The following PRKAR2A variants were observed in gnomAD, a reference collection of about 807,000 sequenced individuals.
The protein encoded by PRKAR2A is protein kinase cAMP-dependent type II regulatory subunit alpha, also known as cAMP-dependent protein kinase type II-alpha regulatory subunit.
Under a neutral mutation model 51.9 loss-of-function variants are expected in PRKAR2A, and 29 were observed. The observed-to-expected ratio is 0.56, with a 90% CI of 0.42 to 0.76. The LOEUF (loss-of-function observed/expected upper bound fraction) is 0.76, where lower values mean the gene tolerates loss of function less well. Ranked by LOEUF, PRKAR2A falls within the 30% of genes least tolerant of loss-of-function variation. The probability of loss-of-function intolerance (pLI) is 0.00; values close to 1 mark genes in which losing one functional copy is unlikely to be tolerated. For missense variants in PRKAR2A, 445 were observed against 512.1 expected (o/e 0.87, Z 1.26); for synonymous variants, 178 against 186.2 (o/e 0.96, Z 0.36).
rs1575871937 is a variant in PRKAR2A at position 48,783,034 on chromosome 3, T to A, written c.494A>T (p.His165Leu). The A allele has an allele frequency of 3.7e-6, 6 of 1,614,026 alleles. No homozygotes were observed. The South Asian group carries it at 6.6e-5, about 18-fold the overall frequency. ...TCCATCATCTCCTTGGTCAATGACA[T>A]GCTCATCAGCTTTGACTATCCTTTC... Reference protein sequence around the residue: ...MFERIVKADEHVIDQGDDGDN... With the variant: ...MFERIVKADELVIDQGDDGDN... The change falls in exon 5 of 11, where the codon CAT (histidine) becomes CTT (leucine). Residue 165 changes from histidine to leucine, a missense_variant. Physicochemically the swap from His to Leu is moderately conservative, Grantham distance 99. Transcript: ENST00000265563.
intron 4 of PRKAR2A, among the ~76,000 whole-genome samples, chr3:48,784,837 T>C (rs965912734): frequency 6.6e-6 from 1 of 152,176 alleles, no homozygotes; most frequent in Non-Finnish European, 1.5e-5. Context: ...AAGGTTTCAT[T>C]ATAGGTTGTT....
intron 5 of PRKAR2A, among the ~76,000 whole-genome samples, chr3:48,775,504 T>TA (rs768287836): frequency 1.8e-3 from 220 of 124,772 alleles, no homozygotes; most frequent in Admixed American, 2.8e-3. Context: ...CAATAATGGC[T>TA]AAAAAAAAAA....
intron 1 of PRKAR2A, among the ~76,000 whole-genome samples, chr3:48,824,379 A>T (rs1235455755): frequency 6.6e-6 from 1 of 151,782 alleles, no homozygotes; most frequent in African/African-American, 2.4e-5. Context: ...TGGGTAACAG[A>T]GCGAGACTCT....
Position 48,847,827 on chromosome 3 carries a change from G to C in PRKAR2A, c.-231C>G. ...ACTGGGCAGCCGCCGCCGCCGCGGGGACCGACGGGCAGGCGAGCTGGACGG... is the reference window on the plus strand; with the variant it reads ...ACTGGGCAGCCGCCGCCGCCGCGGGCACCGACGGGCAGGCGAGCTGGACGG... On this transcript the variant is annotated 5_prime_UTR_variant, in exon 1 of 11. Transcript: ENST00000265563. The surrounding 1 kb of genome is among the most constrained non-coding windows in gnomAD (Gnocchi z 4.4). 1 of 388,464 alleles carries C rather than the reference G, an allele frequency of 2.6e-6. No homozygotes were observed. The highest frequency in any genetic ancestry group is 4.4e-6 in the Non-Finnish European group (1 of 226,132). The allele number at this position is 388,464 out of a possible 1,614,324, so 24.1% of individuals were successfully genotyped here.
intron 1 of PRKAR2A, among the ~76,000 whole-genome samples, chr3:48,839,990 G>A (rs1332875063): frequency 6.6e-6 from 1 of 152,028 alleles, no homozygotes; most frequent in Non-Finnish European, 1.5e-5. Context: ...ATCCCAAACT[G>A]AAACTCTGTA....
intron 5 of PRKAR2A, among the ~76,000 whole-genome samples, chr3:48,781,610 T>C (rs915423382): frequency 6.6e-6 from 1 of 152,106 alleles, no homozygotes; most frequent in African/African-American, 2.4e-5. Flanking sequence ...CCTCCCAGGT[T>C]CAAGCGATTC....
Position 48,747,416 on chromosome 3 carries a change from C to G in PRKAR2A, c.*4169G>C, listed in dbSNP as rs144754507. 6.6e-6 allele frequency: 1 copy of G among 152,168 alleles called. No homozygotes were observed. The highest frequency in any genetic ancestry group is 2.4e-5 in the African/African-American group (1 of 41,494). The allele number at this position is 152,168 out of a possible 1,614,324, so 9.4% of individuals were successfully genotyped here. A position where few individuals can be genotyped will look rare whatever the true frequency, so the allele number is the denominator to read the frequency against. ...GTGTGCCCAGGGTGCTGCTGGGTGCCAACAGCACCTCTCACTGAATACGAT... is the reference window on the plus strand; with the variant it reads ...GTGTGCCCAGGGTGCTGCTGGGTGCGAACAGCACCTCTCACTGAATACGAT... On this transcript the variant is annotated 3_prime_UTR_variant, in exon 11 of 11. Coordinates refer to ENST00000265563, the MANE Select transcript of PRKAR2A (RefSeq NM_004157.4).
chr3:48,806,064 A>C (rs1054214302), intron 2 of PRKAR2A, among the ~76,000 whole-genome samples: 5 of 152,222 alleles, frequency 3.3e-5, no homozygotes, highest in Admixed American at 6.5e-5. Context: ...CAAAAATGGA[A>C]GATAATAGCT....
intron 2 of PRKAR2A, among the ~76,000 whole-genome samples, chr3:48,797,962 T>C (rs1559627088): frequency 6.6e-6 from 1 of 152,196 alleles, no homozygotes; most frequent in Admixed American, 6.5e-5. Context: ...TTTTTTCTTT[T>C]CTTTTTTGAG....
At chr3:48,795,269 A>G (rs569405026) in intron 2 of PRKAR2A, among the ~76,000 whole-genome samples, 2 of 151,976 alleles carry the variant, frequency 1.3e-5, no homozygotes, top group South Asian at 4.2e-4. Flanking sequence ...CACCGCGACT[A>G]GCCTGAGGAA....
intron 2 of PRKAR2A, among the ~76,000 whole-genome samples, chr3:48,799,469 A>G (rs2082549892): frequency 6.6e-6 from 1 of 152,202 alleles, no homozygotes; most frequent in African/African-American, 2.4e-5. Context: ...AATTTGGGGG[A>G]AACCAAGTAG....
chr3:48,762,841 G>A (rs531253480), intron 8 of PRKAR2A, among the ~76,000 whole-genome samples: 16 of 151,984 alleles, frequency 1.1e-4, no homozygotes, highest in Admixed American at 7.9e-4. Flanking sequence ...CATACAACAC[G>A]AATAAATCTC....
chr3:48,777,205 C>T (rs753347892), intron 5 of PRKAR2A, among the ~76,000 whole-genome samples: 3 of 152,168 alleles, frequency 2.0e-5, no homozygotes, highest in Non-Finnish European at 4.4e-5. Flanking sequence ...TGCCTGGGAG[C>T]CTGCCCTGCT....
At chr3:48,817,449 C>T (rs1158637200) in intron 1 of PRKAR2A, among the ~76,000 whole-genome samples, 4 of 151,606 alleles carry the variant, frequency 2.6e-5, no homozygotes, top group African/African-American at 9.7e-5. Flanking sequence ...GTCTGGAGTT[C>T]GAGACCAGCC....
chr3:48,825,418 G>T (rs2083047752), intron 1 of PRKAR2A, among the ~76,000 whole-genome samples: 1 of 152,180 alleles, frequency 6.6e-6, no homozygotes, highest in Admixed American at 6.5e-5. Flanking sequence ...GGACTCTTAA[G>T]GAGTAGGGAT....
intron 2 of PRKAR2A, among the ~76,000 whole-genome samples, chr3:48,795,892 TA>T (rs776133202): frequency 2.0e-5 from 3 of 152,196 alleles, no homozygotes; most frequent in South Asian, 2.1e-4. Context: ...AACACACAGA[TA>T]TTTTTTTTAC....
intron 1 of PRKAR2A, among the ~76,000 whole-genome samples, chr3:48,810,275 T>C (rs1297397629): frequency 6.6e-6 from 1 of 152,158 alleles, no homozygotes; most frequent in African/African-American, 2.4e-5. Flanking sequence ...TATATACATA[T>C]ATTTGTGTAT....
intron 1 of PRKAR2A, among the ~76,000 whole-genome samples, chr3:48,815,205 C>T (rs1019432899): frequency 2.6e-5 from 4 of 152,078 alleles, no homozygotes; most frequent in African/African-American, 9.7e-5. Flanking sequence ...TTAGCCACTG[C>T]ACCCAGCCTT....
At chr3:48,768,294 A>AAGATAGAT (rs561041221) in intron 6 of PRKAR2A, among the ~76,000 whole-genome samples, 12,390 of 140,096 alleles carry the variant, frequency 0.088, 587 homozygotes, top group East Asian at 0.16. Flanking sequence ...ACCGTCTCAA[A>AAGATAGAT]AGATAGATAG....
Sources: allele counts gnomAD v4.1 joint callset (sites outside exome capture counted in the v4.1 genomes callset), GRCh38; gene constraint gnomAD v4.1.1; non-coding constraint Gnocchi (gnomAD v3.1); transcripts MANE v1.5; gene names NCBI Gene and HGNC (gene_info 2026-07-23, HGNC 2026-07-21).